COL23A1: variants seen among roughly 807,000 people sequenced by gnomAD.
COL23A1 encodes collagen alpha-1(XXIII) chain.
In COL23A1, 97 loss-of-function variants were observed where a neutral mutation model predicts 99.3. The observed-to-expected ratio is 0.98, with a 90% CI of 0.83 to 1.16. The LOEUF is 1.16. COL23A1 is among the 50% of genes most tolerant of loss of function. The pLI, the probability that COL23A1 is intolerant of heterozygous loss-of-function variation, is 0.00. For synonymous variants in COL23A1, 320 were observed against 308.2 expected (o/e 1.04, Z -0.40); for missense variants, 762 against 757.4 (o/e 1.01, Z -0.07).
At chr5:178,355,391 C>G (rs1296476627) in intron 2 of COL23A1, among the ~76,000 whole-genome samples, 6 of 152,150 alleles carry the variant, frequency 3.9e-5, no homozygotes, top group African/African-American at 1.4e-4. Flanking sequence ...TATTAAGGCA[C>G]AACGCTATAC....
At chr5:178,473,441 T>C (rs11748656) in intron 2 of COL23A1, among the ~76,000 whole-genome samples, 73,183 of 148,518 alleles carry the variant, frequency 0.49, 19,634 homozygotes, top group Non-Finnish European at 0.6. Context: ...ACTACAGGCA[T>C]GAGCCACTAC....
At chr5:178,553,133 G>A (rs1471612926) in intron 2 of COL23A1, among the ~76,000 whole-genome samples, 1 of 146,324 alleles carries the variant, frequency 6.8e-6, no homozygotes, top group South Asian at 2.2e-4. Context: ...CTGCACCACT[G>A]CACTTCTGCC....
At chr5:178,270,708 G>A (rs1444246045) in intron 5 of COL23A1, among the ~76,000 whole-genome samples, 1 of 152,188 alleles carries the variant, frequency 6.6e-6, no homozygotes, top group Non-Finnish European at 1.5e-5. Flanking sequence ...CGAGCCATGA[G>A]CATCTTGCCT....
intron 18 of COL23A1, among the ~76,000 whole-genome samples, chr5:178,249,716 A>ACACACACACACACTCACTCT: frequency 3.2e-5 from 3 of 92,750 alleles, no homozygotes; most frequent in Admixed American, 1.1e-4. Flanking sequence ...ACACACACAC[A>ACACACACACACACTCACTCT]CTCTCTCTCT....
intron 2 of COL23A1, among the ~76,000 whole-genome samples, chr5:178,362,441 T>C (rs1388265132): frequency 6.6e-6 from 1 of 152,094 alleles, no homozygotes; most frequent in Non-Finnish European, 1.5e-5. Context: ...GGGGTGCCTG[T>C]GGCCTGCCAA....
intron 2 of COL23A1, among the ~76,000 whole-genome samples, chr5:178,557,350 G>C (rs1182178200): frequency 1.3e-5 from 2 of 152,314 alleles, no homozygotes; most frequent in Non-Finnish European, 2.9e-5. Context: ...ACATTCACAG[G>C]TACTGGGGGT....
chr5:178,358,248 GTGTGTGTATGTATATGTGTGTATA>G (rs1761888595), intron 2 of COL23A1, among the ~76,000 whole-genome samples: 1 of 125,616 alleles, frequency 8.0e-6, no homozygotes, highest in Non-Finnish European at 1.8e-5. Context: ...GTATGTGTAT[GTGTGTGTATGTATATGTGTGTATA>G]TGTGTGTATG....
In COL23A1 at chr5:178,245,934, A is replaced by G; in HGVS notation, c.1440+8T>C. On this transcript the variant is annotated splice_region_variant and intron_variant, in intron 25 of 28. Coordinates refer to ENST00000390654, the MANE Select transcript of COL23A1 (RefSeq NM_173465.4). Reference sequence around the variant, plus strand: ...CCCAATTACTCAAAGTGATGATAAGACACTTACATCTAGTCCTGGCTCCCC... The same window carrying G: ...CCCAATTACTCAAAGTGATGATAAGGCACTTACATCTAGTCCTGGCTCCCC... 6.2e-7 allele frequency: 1 copy of G among 1,614,084 alleles called. No individual in the cohort carries two copies. The highest frequency in any genetic ancestry group is 1.1e-5 in the South Asian group (1 of 91,082).
At chr5:178,329,940 A>T (rs1474757215) in intron 2 of COL23A1, among the ~76,000 whole-genome samples, 1 of 150,884 alleles carries the variant, frequency 6.6e-6, no homozygotes, top group Non-Finnish European at 1.5e-5. Flanking sequence ...CTGTCTCAAA[A>T]AAAAAAAAAA....
intron 2 of COL23A1, among the ~76,000 whole-genome samples, chr5:178,362,296 C>T (rs1436556247): frequency 2.0e-5 from 3 of 152,088 alleles, no homozygotes; most frequent in Non-Finnish European, 2.9e-5. Flanking sequence ...GTCCGAATAG[C>T]GGCTCAACCA....
At chr5:178,424,682 A>G (rs1300035622) in intron 2 of COL23A1, among the ~76,000 whole-genome samples, 5 of 152,126 alleles carry the variant, frequency 3.3e-5, no homozygotes, top group African/African-American at 1.2e-4. Flanking sequence ...AAATCCCCCA[A>G]TTAAACCTGA....
In COL23A1 at chr5:178,280,193, G is replaced by C. The variant is rs995363524; in HGVS notation, c.441+8131C>G. On this transcript the variant is annotated intron_variant, in intron 5 of 28. Coordinates refer to ENST00000390654, the MANE Select transcript of COL23A1 (RefSeq NM_173465.4). The surrounding 1 kb of genome is among the most constrained non-coding windows in gnomAD (Gnocchi z 4.9). ...GCCTCCAGCCCTGGCGGACTCTTGCGCTGGACTCCCGCCCTCGGGCCACAG... is the reference window on the plus strand; with the variant it reads ...GCCTCCAGCCCTGGCGGACTCTTGCCCTGGACTCCCGCCCTCGGGCCACAG... Among the ~76,000 whole-genome samples the C allele has an allele frequency of 6.6e-6, 1 of 152,272 alleles. No homozygotes were observed. Among genetic ancestry groups the C allele is most frequent in the East Asian group, 1.9e-4 (1 of 5,184 alleles).
chr5:178,566,815 C>CA (rs199785499), intron 1 of COL23A1, among the ~76,000 whole-genome samples: 7,189 of 136,600 alleles, frequency 0.053, 250 homozygotes, highest in South Asian at 0.12. Flanking sequence ...GACTCTGTCT[C>CA]AAAAAAAAAA....
At chr5:178,397,539 C>T (rs556630590) in intron 2 of COL23A1, among the ~76,000 whole-genome samples, 7 of 152,358 alleles carry the variant, frequency 4.6e-5, no homozygotes, top group East Asian at 1.9e-4. Context: ...TGCCTGTTCA[C>T]GGGCATCCGC....
rs111935260 is a variant in COL23A1, at chr5:178,417,604, G to A, written c.362-110685C>T. Among the ~76,000 whole-genome samples the A allele has an allele frequency of 1.5e-3, 233 of 152,180 alleles. 1 individual carries two copies. Among genetic ancestry groups the A allele is most frequent in the African/African-American group, 5.0e-3 (208 of 41,524 alleles). On this transcript the variant is annotated intron_variant, in intron 2 of 28. Transcript: ENST00000390654. ...GAAAACCACAGGATCCATATCAGAC[G>A]GAAATCCAACCCTCAACGATAAAGC... is the stretch of plus-strand genomic sequence containing the variant.
At chr5:178,392,219 T>G (rs1764006136) in intron 2 of COL23A1, among the ~76,000 whole-genome samples, 1 of 152,018 alleles carries the variant, frequency 6.6e-6, no homozygotes, top group Non-Finnish European at 1.5e-5. Flanking sequence ...CTTCTGCACT[T>G]TACATGGGTA....
intron 2 of COL23A1, among the ~76,000 whole-genome samples, chr5:178,371,492 G>A (rs538430267): frequency 9.8e-4 from 149 of 152,194 alleles, no homozygotes; most frequent in Non-Finnish European, 1.9e-3. Flanking sequence ...CCTCAAAGTC[G>A]CCCCTACACC....
At chr5:178,532,245 T>C (rs1474808828) in intron 2 of COL23A1, among the ~76,000 whole-genome samples, 1 of 152,174 alleles carries the variant, frequency 6.6e-6, no homozygotes, top group Non-Finnish European at 1.5e-5. Flanking sequence ...TTAGAAACAA[T>C]CAGGTCATTA....
intron 4 of COL23A1, among the ~76,000 whole-genome samples, chr5:178,288,927 G>A (rs1378525237): frequency 6.6e-6 from 1 of 152,114 alleles, no homozygotes; most frequent in East Asian, 1.9e-4. Flanking sequence ...TGCAGCTTGA[G>A]AATTTCTGCA....
Sources: allele counts gnomAD v4.1 joint callset (sites outside exome capture counted in the v4.1 genomes callset), GRCh38; gene constraint gnomAD v4.1.1; non-coding constraint Gnocchi (gnomAD v3.1); transcripts MANE v1.5; gene names NCBI Gene and HGNC (gene_info 2026-07-23, HGNC 2026-07-21).